The following PATL2 variants were observed in gnomAD, a reference collection of about 807,000 sequenced individuals.
PATL2 encodes the protein PAT1 homolog 2.
Under a neutral mutation model 77.0 loss-of-function variants are expected in PATL2, and 73 were observed. That is an observed-to-expected ratio of 0.95 (90% CI 0.78 to 1.15). The LOEUF is 1.15. PATL2 is among the 50% of genes most tolerant of loss of function. The pLI, the probability that PATL2 is intolerant of heterozygous loss-of-function variation, is 0.00. For missense variants in PATL2, 618 were observed against 655.4 expected (o/e 0.94, Z 0.62); for synonymous variants, 265 against 257.1 (o/e 1.03, Z -0.29).
intron 3 of PATL2, among the ~76,000 whole-genome samples, chr15:44,684,666 A>G (rs895556933): frequency 6.6e-6 from 1 of 152,184 alleles, no homozygotes; most frequent in Non-Finnish European, 1.5e-5. Flanking sequence ...AAGCTGGAAA[A>G]CACTCTTCAG....
intron 3 of PATL2, among the ~76,000 whole-genome samples, chr15:44,682,323 T>G (rs2086151464): frequency 6.6e-6 from 1 of 152,252 alleles, no homozygotes. Flanking sequence ...CAGCCTGGGA[T>G]AGGCACCCTT....
At chr15:44,681,333 G>C (rs1346028382) in intron 3 of PATL2, among the ~76,000 whole-genome samples, 1 of 152,118 alleles carries the variant, frequency 6.6e-6, no homozygotes, top group Non-Finnish European at 1.5e-5. Flanking sequence ...TTTCTTAACT[G>C]TAAGTGCAAA....
chr15:44,677,613 C>T (rs1313573991), intron 3 of PATL2, among the ~76,000 whole-genome samples: 1 of 152,194 alleles, frequency 6.6e-6, no homozygotes, highest in African/African-American at 2.4e-5. Context: ...TCTGTGCCCA[C>T]ATCCTGTGTT....
chr15:44,710,855 G>C lies in PATL2; in HGVS notation c.-195+16C>G, dbSNP rs1313052658. ...CCCCCCGCCCCCCGACAAATCAACAGAACAAAGAAAATTACCTAAACAGCA... is the reference window on the plus strand; with the variant it reads ...CCCCCCGCCCCCCGACAAATCAACACAACAAAGAAAATTACCTAAACAGCA... On this transcript the variant is annotated intron_variant, in intron 2 of 17. Transcript: ENST00000682850. Among the ~76,000 whole-genome samples the C allele has an allele frequency of 3.1e-5, 3 of 95,658 alleles. No individual in the cohort carries two copies. The highest frequency in any genetic ancestry group is 4.1e-5 in the African/African-American group (1 of 24,370). 62.8% of individuals were successfully genotyped at this position (95,658 alleles called of 152,430 possible). A position where few individuals can be genotyped will look rare whatever the true frequency, so the allele number is the denominator to read the frequency against.
intron 14 of PATL2, 123 bp from the exon 15 acceptor site, chr15:44,668,605 G>T (rs2085503160): frequency 8.1e-7 from 1 of 1,227,174 alleles, no homozygotes; most frequent in East Asian, 2.6e-5. Context: ...TTACTTACCA[G>T]GCTTATCACC....
chr15:44,674,552 A>T (rs1487862717), intron 5 of PATL2: 1 of 165,448 alleles, frequency 6.0e-6, no homozygotes, highest in Non-Finnish European at 1.3e-5. Context: ...TGCCTATGAT[A>T]GTTTATATAT....
In PATL2 at chr15:44,669,399, T is replaced by C. The variant is rs1400577524; in HGVS notation, c.945A>G (p.Leu315=). 2 of 1,550,774 alleles carry C rather than the reference T, an allele frequency of 1.3e-6. No homozygotes were observed. The highest frequency in any genetic ancestry group is 2.7e-5 in the African/African-American group (2 of 73,010). Residue 315 remains leucine, a synonymous_variant, in exon 13 of 18, where the codon TTA becomes TTG. Coordinates refer to ENST00000682850, the MANE Select transcript of PATL2 (RefSeq NM_001387263.1). ...LYRIEKMFLQ[L]LEIEEGWKYR... is the part of the protein sequence containing the mutation. ...ACTTCCAGCCTTCCTCTATTTCTAG[T>C]AACTGAAGGAACATCTGGGAATTTG...
At chr15:44,698,141 A>G (rs1299265798) in intron 3 of PATL2, among the ~76,000 whole-genome samples, 6 of 150,910 alleles carry the variant, frequency 4.0e-5, no homozygotes, top group East Asian at 1.9e-4. Flanking sequence ...GTGTGTGTGT[A>G]TATATATATA....
chr15:44,691,623 T>C (rs1463004160), intron 3 of PATL2, among the ~76,000 whole-genome samples: 1 of 149,582 alleles, frequency 6.7e-6, no homozygotes, highest in African/African-American at 2.5e-5. Flanking sequence ...ACAGCACCAC[T>C]GCACTCCAGC....
At position 44,704,155 on chromosome 15, in the gene PATL2, ATT is replaced by A. The variant is rs374729545; in HGVS notation, c.-76+5939_-76+5940del. Among the ~76,000 whole-genome samples, 629 of 133,952 alleles carry A rather than the reference ATT, an allele frequency of 4.7e-3. 9 individuals are homozygous for A. The highest frequency in any genetic ancestry group is 0.016 in the African/African-American group (583 of 36,372). 87.9% of individuals were successfully genotyped at this position (133,952 alleles called of 152,430 possible). On this transcript the variant is annotated intron_variant, in intron 3 of 17. Transcript: ENST00000682850. ...AGGTGAGTGCCACTATGTCTGGCTA[ATT>A]TTTTTTTTTTTTTTTTGGTAGAGAC...
At chr15:44,677,821 T>C (rs1278504829) in intron 3 of PATL2, among the ~76,000 whole-genome samples, 3 of 152,120 alleles carry the variant, frequency 2.0e-5, no homozygotes, top group Non-Finnish European at 4.4e-5. Flanking sequence ...CAAATATAAG[T>C]AGCTTGAAAG....
At chr15:44,678,154 G>T (rs975745514) in intron 3 of PATL2, among the ~76,000 whole-genome samples, 3 of 152,136 alleles carry the variant, frequency 2.0e-5, no homozygotes, top group African/African-American at 7.2e-5. Flanking sequence ...ACCCAGCTGG[G>T]TTCTGGCCTT....
intron 3 of PATL2, among the ~76,000 whole-genome samples, chr15:44,677,454 C>G (rs1349064769): frequency 6.6e-6 from 1 of 152,184 alleles, no homozygotes; most frequent in Non-Finnish European, 1.5e-5. Context: ...CACAGTCTTA[C>G]ATCTTCTTGG....
At chr15:44,689,914 G>C (rs1318351983) in intron 3 of PATL2, among the ~76,000 whole-genome samples, 2 of 152,182 alleles carry the variant, frequency 1.3e-5, no homozygotes, top group Non-Finnish European at 2.9e-5. Context: ...TGTTGGCCAA[G>C]CATGGTGTCT....
rs559921272 is a variant in PATL2 at position 44,666,829 on chromosome 15, G to A, written c.1463+277C>T. 5.8e-6 allele frequency: 3 copies of A among 519,598 alleles called. No homozygotes were observed. In the East Asian group the frequency reaches 9.7e-5, roughly 17 times the overall value. The allele number at this position is 519,598 out of a possible 1,614,324, so 32.2% of individuals were successfully genotyped here. ...GAGAAGTGAAAGAACTTGCCCTAAA[G>A]TTATATTGCTAGTAAGTGATACAGC... On this transcript the variant is annotated intron_variant, in intron 16 of 17. Transcript: ENST00000682850.
In PATL2 at chr15:44,669,802, G is replaced by A. The variant is rs867045972; in HGVS notation, c.851C>T (p.Ala284Val). The change falls in exon 11 of 18, where the codon GCG (alanine) becomes GTG (valine). Residue 284 changes from alanine (A) to valine (V), a missense_variant. Transcript: ENST00000682850. ...CTGCTCTTGAGTTCCATGGGGTACC[G>A]CATCAATAGCTCGGCGAGGGCTGAA... Reference protein sequence around the residue: ...TCFSPRRAIDAVPHGTQEQDI... With the variant: ...TCFSPRRAIDVVPHGTQEQDI... 115 of 1,551,552 alleles carry A rather than the reference G, an allele frequency of 7.4e-5. No homozygotes were observed. The highest frequency in any genetic ancestry group is 4.5e-4 in the Admixed American group (23 of 50,978).
At chr15:44,704,923 A>G (rs1238212364) in intron 3 of PATL2, among the ~76,000 whole-genome samples, 1 of 152,178 alleles carries the variant, frequency 6.6e-6, no homozygotes, top group South Asian at 2.1e-4. Context: ...GCTGCCAGAC[A>G]TATCAGAGCT....
In PATL2 at chr15:44,673,341, T is replaced by A; in HGVS notation, c.340A>T (p.Thr114Ser). ...DYLSPIPFWPTFPSTSSPAQH... is the reference protein window; with the variant it reads ...DYLSPIPFWPSFPSTSSPAQH... ...GCTGGAGAGCTGGTGCTGGGAAATG[T>A]AGGCCAGAAAGGGATGGGCGACAGG... Residue 114 changes from threonine (T) to serine (S), a missense_variant, in exon 7 of 18, where the codon ACA becomes TCA. Thr to Ser is a moderately conservative substitution (Grantham distance 58). Transcript: ENST00000682850. 1.9e-6 allele frequency: 3 copies of A among 1,551,614 alleles called. No homozygotes were observed. Among genetic ancestry groups the A allele is most frequent in the Non-Finnish European group, 2.6e-6 (3 of 1,146,938 alleles).
chr15:44,686,108 C>T (rs1287661550), intron 3 of PATL2, among the ~76,000 whole-genome samples: 1 of 152,198 alleles, frequency 6.6e-6, no homozygotes, highest in Non-Finnish European at 1.5e-5. Context: ...CATATACATT[C>T]TTCTCAGCAC....
Sources: allele counts gnomAD v4.1 joint callset (sites outside exome capture counted in the v4.1 genomes callset), GRCh38; gene constraint gnomAD v4.1.1; transcripts MANE v1.5; gene names NCBI Gene and HGNC (gene_info 2026-07-23, HGNC 2026-07-21).